ABTB3: variants seen among roughly 807,000 people sequenced by gnomAD.
ABTB3 encodes the protein ankyrin repeat and BTB domain containing 3, also known as ankyrin repeat- and BTB/POZ domain-containing protein 3.
At chr12:107,570,758 G>C in the ABTB3 span, among the ~76,000 whole-genome samples, 1 of 152,084 alleles carries the variant, frequency 6.6e-6, no homozygotes, top group Non-Finnish European at 1.5e-5. Context: ...GGCCCTACCT[G>C]TCTGCTCCTC....
the ABTB3 span, among the ~76,000 whole-genome samples, chr12:107,328,673 A>G: frequency 6.6e-6 from 1 of 152,222 alleles, no homozygotes; most frequent in African/African-American, 2.4e-5. Flanking sequence ...GTGCTGAGGA[A>G]GAAACTGAAG....
chr12:107,471,415 A>G, the ABTB3 span, among the ~76,000 whole-genome samples: 1 of 152,206 alleles, frequency 6.6e-6, no homozygotes, highest in East Asian at 1.9e-4. Flanking sequence ...AGGATTGGGT[A>G]CAGAAGTACA....
the ABTB3 span, among the ~76,000 whole-genome samples, chr12:107,652,498 G>C: frequency 6.6e-6 from 1 of 152,186 alleles, no homozygotes; most frequent in African/African-American, 2.4e-5. Context: ...ATGGGGCCAA[G>C]ATTGAGAACA....
chr12:107,549,697 T>C, the ABTB3 span, among the ~76,000 whole-genome samples: 1 of 152,222 alleles, frequency 6.6e-6, no homozygotes, highest in Non-Finnish European at 1.5e-5. Flanking sequence ...GGAAACCTTA[T>C]AAAAATTGCA....
chr12:107,407,506 C>T, the ABTB3 span, among the ~76,000 whole-genome samples: 3 of 152,204 alleles, frequency 2.0e-5, no homozygotes, highest in Admixed American at 2.0e-4. Context: ...CCAGGGGACA[C>T]GCTTCTCATG....
At chr12:107,529,276 T>C in the ABTB3 span, among the ~76,000 whole-genome samples, 1 of 151,452 alleles carries the variant, frequency 6.6e-6, no homozygotes, top group Non-Finnish European at 1.5e-5. Flanking sequence ...ATGATGATGG[T>C]GATGGTGATG....
At chr12:107,378,525 A>G in the ABTB3 span, among the ~76,000 whole-genome samples, 3 of 152,190 alleles carry the variant, frequency 2.0e-5, no homozygotes, top group East Asian at 5.8e-4. Flanking sequence ...TCTTATAGCA[A>G]GTAAGTAGGG....
At chr12:107,473,449 A>G in the ABTB3 span, among the ~76,000 whole-genome samples, 5 of 151,590 alleles carry the variant, frequency 3.3e-5, no homozygotes, top group Non-Finnish European at 7.4e-5. Flanking sequence ...TGCCTCCTGG[A>G]TTCAAGTGAT....
chr12:107,501,475 G>C, the ABTB3 span, among the ~76,000 whole-genome samples: 1 of 151,952 alleles, frequency 6.6e-6, no homozygotes, highest in South Asian at 2.1e-4. Context: ...CAAGGTGAGT[G>C]GATTGCTTGA....
At chr12:107,335,929 A>G in the ABTB3 span, among the ~76,000 whole-genome samples, 5 of 152,284 alleles carry the variant, frequency 3.3e-5, no homozygotes, top group African/African-American at 1.2e-4. Context: ...GGGTCCAACA[A>G]CTGGATGCTT....
chr12:107,603,200 A>G, the ABTB3 span, among the ~76,000 whole-genome samples: 6 of 152,348 alleles, frequency 3.9e-5, no homozygotes, highest in South Asian at 1.0e-3. Context: ...GAAAGACTGT[A>G]TGGGGCTCTC....
chr12:107,335,141 G>T, the ABTB3 span, among the ~76,000 whole-genome samples: 32 of 151,814 alleles, frequency 2.1e-4, no homozygotes, highest in Non-Finnish European at 4.0e-4. Flanking sequence ...TAAAGAGTCA[G>T]CTGAGAGTGG....
the ABTB3 span, among the ~76,000 whole-genome samples, chr12:107,382,776 G>C: frequency 2.0e-5 from 3 of 152,164 alleles, no homozygotes; most frequent in East Asian, 5.8e-4. Flanking sequence ...GGAGGGCTAG[G>C]GGAGGGATAG....
chr12:107,417,086 T>A, the ABTB3 span, among the ~76,000 whole-genome samples: 2 of 152,346 alleles, frequency 1.3e-5, no homozygotes, highest in Non-Finnish European at 2.9e-5. Flanking sequence ...CCTGCCTGGA[T>A]CTTCTTCTTT....
the ABTB3 span, among the ~76,000 whole-genome samples, chr12:107,526,645 A>G: frequency 1.3e-5 from 2 of 152,118 alleles, no homozygotes; most frequent in Non-Finnish European, 1.5e-5. Context: ...AAGAAAAAAA[A>G]ATGAGGACTT....
the ABTB3 span, among the ~76,000 whole-genome samples, chr12:107,471,447 G>A: frequency 1.3e-5 from 2 of 152,116 alleles, no homozygotes; most frequent in Admixed American, 1.3e-4. Flanking sequence ...CAGGTCAAGA[G>A]GAGAAAAAGG....
the ABTB3 span, among the ~76,000 whole-genome samples, chr12:107,634,680 G>T: frequency 3.3e-5 from 5 of 152,142 alleles, no homozygotes; most frequent in African/African-American, 1.2e-4. Context: ...AAGCAGGCGC[G>T]TGTGTCCCCA....
chr12:107,515,588 G>A, the ABTB3 span, among the ~76,000 whole-genome samples: 8 of 152,202 alleles, frequency 5.3e-5, no homozygotes, highest in African/African-American at 2.4e-5. Flanking sequence ...ATTCATTGCC[G>A]TGGCAACAGC....
the ABTB3 span, among the ~76,000 whole-genome samples, chr12:107,386,637 C>T: frequency 6.6e-6 from 1 of 152,148 alleles, no homozygotes; most frequent in East Asian, 1.9e-4. Flanking sequence ...CCATTCTGTC[C>T]TGAGTCAGCC....
Sources: allele counts gnomAD v4.1 joint callset (sites outside exome capture counted in the v4.1 genomes callset), GRCh38; gene constraint gnomAD v4.1.1; transcripts MANE v1.5; gene names NCBI Gene and HGNC (gene_info 2026-07-23, HGNC 2026-07-21).